GNAS: variants seen among roughly 807,000 people sequenced by gnomAD.
GNAS encodes the protein GNAS complex locus, also known as protein ALEX.
Under a neutral mutation model 54.5 loss-of-function variants are expected in GNAS, and 8 were observed. The ratio of observed to expected loss-of-function variants is 0.15; its 90% CI spans 0.09 to 0.26. The LOEUF is 0.26. Ranked by LOEUF, GNAS falls within the 10% of genes least tolerant of loss-of-function variation. The pLI is 1.00. For synonymous variants in GNAS, 204 were observed against 191.4 expected (o/e 1.07, Z -0.54); for missense variants, 170 against 529.8 (o/e 0.32, Z 6.67).
At chr20:58,854,332 A>C (rs910240464) in intron 1 of GNAS, 28 of 1,591,570 alleles carry the variant, frequency 1.8e-5, no homozygotes, top group Non-Finnish European at 2.4e-5. Context: ...CCAGTTGAGG[A>C]GGAAGCAGCA....
intron 3 of GNAS, 127 bp from the exon 4 acceptor site, chr20:58,903,404 A>G (rs980586055): frequency 2.4e-6 from 2 of 835,380 alleles, no homozygotes; most frequent in Non-Finnish European, 4.0e-6. Flanking sequence ...ATCTTTGCAC[A>G]GATCCGAACC....
intron 1 of GNAS, among the ~76,000 whole-genome samples, chr20:58,847,878 A>C (rs1568916634): frequency 6.6e-6 from 1 of 152,220 alleles, no homozygotes; most frequent in Non-Finnish European, 1.5e-5. Flanking sequence ...AGAATCCCAG[A>C]ATGTAAGTAG....
upstream of GNAS, chr20:58,840,147 G>A (rs548132075): frequency 2.0e-5 from 32 of 1,611,514 alleles, no homozygotes; most frequent in East Asian, 2.7e-4. This position sits in a 1 kb window ranked among gnomAD's most constrained non-coding sequence, Gnocchi z 6.0. Context: ...CGCCGAGCTC[G>A]CCATAATTAC....
chr20:58,846,693 T>C (rs2085952551), intron 1 of GNAS, among the ~76,000 whole-genome samples: 1 of 152,184 alleles, frequency 6.6e-6, no homozygotes, highest in Non-Finnish European at 1.5e-5. Context: ...CTCAACCCCA[T>C]GTGAGAGCTG....
chr20:58,909,074 T>C lies in GNAS; in HGVS notation c.531-88T>C. The C allele has an allele frequency of 1.4e-5, 16 of 1,116,576 alleles. No individual in the cohort carries two copies. The highest frequency in any genetic ancestry group is 2.2e-5 in the Non-Finnish European group (16 of 726,786). The allele number at this position is 1,116,576 out of a possible 1,614,324, so 69.2% of individuals were successfully genotyped here. A position where few individuals can be genotyped will look rare whatever the true frequency, so the allele number is the denominator to read the frequency against. Reference sequence around the variant, plus strand: ...CATAACTGTGGGACGGTCACTTCCGTTGAGCCTGACCTTGTAGAGAGACAC... The same window carrying C: ...CATAACTGTGGGACGGTCACTTCCGCTGAGCCTGACCTTGTAGAGAGACAC... On this transcript the variant is annotated intron_variant, in intron 6 of 12. Coordinates refer to ENST00000371085, the MANE Select transcript of GNAS (RefSeq NM_000516.7). This position sits in a 1 kb window ranked among gnomAD's most constrained non-coding sequence, Gnocchi z 7.3.
At chr20:58,882,054 TTTTG>T (rs927199884) in intron 1 of GNAS, among the ~76,000 whole-genome samples, 4 of 152,156 alleles carry the variant, frequency 2.6e-5, no homozygotes, top group South Asian at 2.1e-4. Flanking sequence ...CCATTTTCTT[TTTTG>T]TTTGTTTGTG....
rs202069520 is a variant in GNAS at position 58,855,062 on chromosome 20, C to A, written c.43+14176C>A. 9.3e-6 allele frequency: 15 copies of A among 1,613,062 alleles called. No individual in the cohort carries two copies. The highest frequency in any genetic ancestry group is 2.7e-5 in the African/African-American group (2 of 74,962). On this transcript the variant is annotated intron_variant, in intron 1 of 12. Coordinates refer to the GNAS transcript ENST00000306090. Reference sequence around the variant, plus strand: ...GGTTTCAGCATCGGCGAAATCGCCGCCGCCGAAAGCCCCAGCGCAACTTAC... The same window carrying A: ...GGTTTCAGCATCGGCGAAATCGCCGACGCCGAAAGCCCCAGCGCAACTTAC...
At chr20:58,889,403 G>A (rs1162129653), upstream of GNAS, 9 of 981,740 alleles carry the variant, frequency 9.2e-6, no homozygotes, top group South Asian at 9.4e-5. Context: ...GTCGCCCGGC[G>A]CAGGCAAGAG....
chr20:58,875,382 A>G (rs974366974), intron 1 of GNAS, among the ~76,000 whole-genome samples: 3 of 152,192 alleles, frequency 2.0e-5, no homozygotes, highest in African/African-American at 7.2e-5. Flanking sequence ...GTGCATTTTC[A>G]TAAAGAGCTT....
intron 1 of GNAS, among the ~76,000 whole-genome samples, chr20:58,880,053 T>C (rs2088124801): frequency 6.6e-6 from 1 of 152,156 alleles, no homozygotes; most frequent in Non-Finnish European, 1.5e-5. Context: ...TCTCTCTCTC[T>C]TTTTCCTCGT....
chr20:58,840,452 G>A, upstream of GNAS: 1 of 1,613,436 alleles, frequency 6.2e-7, no homozygotes, highest in African/African-American at 1.3e-5. The surrounding 1 kb of genome is among the most constrained non-coding windows in gnomAD (Gnocchi z 6.0). Flanking sequence ...GAGCGAGACC[G>A]AGTCCGAAAT....
intron 1 of GNAS, chr20:58,854,923 G>T: frequency 6.3e-7 from 1 of 1,599,892 alleles, no homozygotes. Flanking sequence ...GCCTGGCGGG[G>T]CAAGTCCGAG....
At chr20:58,871,613 G>GAAA (rs757702769) in intron 1 of GNAS, among the ~76,000 whole-genome samples, 8 of 32,682 alleles carry the variant, frequency 2.4e-4, no homozygotes, top group Non-Finnish European at 5.0e-4. Flanking sequence ...ATACTCCGTC[G>GAAA]AAAAAAAAAA....
At chr20:58,902,724 A>ATTTTT (rs1569012979) in intron 3 of GNAS, among the ~76,000 whole-genome samples, 8 of 62,176 alleles carry the variant, frequency 1.3e-4, no homozygotes, top group Admixed American at 2.0e-4. Context: ...CGCACATACG[A>ATTTTT]CTTTTTTTTT....
At chr20:58,855,562 G>A (rs1457446511) in intron 1 of GNAS, 20 of 718,278 alleles carry the variant, frequency 2.8e-5, no homozygotes, top group East Asian at 5.4e-5. Context: ...AGGGAGAAAA[G>A]TGGTGCCGAG....
intron 1 of GNAS, among the ~76,000 whole-genome samples, chr20:58,879,799 A>G (rs753013159): frequency 1.3e-5 from 2 of 152,186 alleles, no homozygotes; most frequent in African/African-American, 2.4e-5. Context: ...TCTCAGCAAC[A>G]TCACTGTCAG....
Position 58,854,253 on chromosome 20 carries a change from A to G in GNAS, c.43+13367A>G, listed in dbSNP as rs201597085. The G allele has an allele frequency of 3.6e-5, 58 of 1,613,192 alleles. No homozygotes were observed. The highest frequency in any genetic ancestry group is 3.1e-4 in the South Asian group (28 of 91,032). On this transcript the variant is annotated intron_variant, in intron 1 of 12. Coordinates refer to the GNAS transcript ENST00000306090. ...TCCCGTCAACATGGACAGCCCCCCA[A>G]TCGCGCTTGACGGCCCGCCCATCAA...
intron 1 of GNAS, among the ~76,000 whole-genome samples, chr20:58,879,366 C>T (rs2088067842): frequency 1.3e-5 from 2 of 152,218 alleles, no homozygotes; most frequent in Middle Eastern, 3.2e-3. Context: ...AAAAAACTCA[C>T]ATTTTTCACT....
intron 1 of GNAS, among the ~76,000 whole-genome samples, chr20:58,861,242 G>C (rs2086768267): frequency 6.6e-6 from 1 of 152,118 alleles, no homozygotes; most frequent in East Asian, 1.9e-4. Flanking sequence ...CACGCCATTT[G>C]CCCATTTAAA....
Sources: allele counts gnomAD v4.1 joint callset (sites outside exome capture counted in the v4.1 genomes callset), GRCh38; gene constraint gnomAD v4.1.1; non-coding constraint Gnocchi (gnomAD v3.1); transcripts MANE v1.5; gene names NCBI Gene and HGNC (gene_info 2026-07-23, HGNC 2026-07-21).